RNF144B: variants seen among roughly 807,000 people sequenced by gnomAD.
The protein encoded by RNF144B is ring finger protein 144B, also known as E3 ubiquitin-protein ligase RNF144B.
In RNF144B, 25 loss-of-function variants were observed where a neutral mutation model predicts 40.2. That is an observed-to-expected ratio of 0.62 (90% confidence interval 0.45 to 0.87). The LOEUF is 0.87. RNF144B is among the 40% of genes least tolerant of loss of function. The pLI, the probability that RNF144B is intolerant of heterozygous loss-of-function variation, is 0.00. For synonymous variants in RNF144B, 145 were observed against 136.3 expected (o/e 1.06, Z -0.44); for missense variants, 365 against 373.7 (o/e 0.98, Z 0.19).
rs1294785105 is a variant in RNF144B, at chr6:18,419,675, A to G, written c.166-7906A>G. Reference sequence around the variant, plus strand: ...AAATGTGTACTGGATTCAGTGACCTAGAGCCACTTCAGTTGAGTGGCAGGG... The same window carrying G: ...AAATGTGTACTGGATTCAGTGACCTGGAGCCACTTCAGTTGAGTGGCAGGG... On this transcript the variant is annotated intron_variant, in intron 2 of 7. Coordinates refer to ENST00000259939, the MANE Select transcript of RNF144B (RefSeq NM_182757.4). This position sits in a 1 kb window ranked among gnomAD's most constrained non-coding sequence, Gnocchi z 4.6. Among the ~76,000 whole-genome samples the G allele has an allele frequency of 6.6e-6, 1 of 152,162 alleles. No individual in the cohort carries two copies. The highest frequency in any genetic ancestry group is 2.4e-5 in the African/African-American group (1 of 41,456).
At chr6:18,428,654 T>C (rs1758621965) in intron 3 of RNF144B, among the ~76,000 whole-genome samples, 1 of 152,160 alleles carries the variant, frequency 6.6e-6, no homozygotes, top group Non-Finnish European at 1.5e-5. Flanking sequence ...ATGAAATCAG[T>C]TGTTCATTTA....
rs1217038117 is a variant in RNF144B at position 18,468,118 on chromosome 6, TA to T, written c.*3052del. On this transcript the variant is annotated 3_prime_UTR_variant, in exon 8 of 8. Transcript: ENST00000259939. ...GGTCTACATAGGGATGTTTGGATGC[TA>T]TGGCAAGAATCTTTTTGTGTTTGGA... 1 of 151,514 alleles carries T rather than the reference TA, an allele frequency of 6.6e-6. No individual in the cohort carries two copies. The highest frequency in any genetic ancestry group is 1.5e-5 in the Non-Finnish European group (1 of 68,052). 9.4% of individuals were successfully genotyped at this position (151,514 alleles called of 1,614,324 possible). A position where few individuals can be genotyped will look rare whatever the true frequency, so the allele number is the denominator to read the frequency against.
rs1409916986 is a variant in RNF144B at position 18,416,190 on chromosome 6, T to C, written c.166-11391T>C. Among the ~76,000 whole-genome samples the C allele has an allele frequency of 1.3e-5, 2 of 152,158 alleles. No individual in the cohort carries two copies. Among genetic ancestry groups the C allele is most frequent in the African/African-American group, 4.8e-5 (2 of 41,424 alleles). ...TAAGATAGCACCTGGGCCAGAGGGA[T>C]CTCTTTGGGATTAGTATAAAAAGTG... On this transcript the variant is annotated intron_variant, in intron 2 of 7. Coordinates refer to ENST00000259939, the MANE Select transcript of RNF144B (RefSeq NM_182757.4). The surrounding 1 kb of genome is among the most constrained non-coding windows in gnomAD (Gnocchi z 5.5).
rs1226665274 is a variant in RNF144B at position 18,457,686 on chromosome 6, C to T, written c.536+327C>T. Among the ~76,000 whole-genome samples, 1 of 152,052 alleles carries T rather than the reference C, an allele frequency of 6.6e-6. No individual in the cohort carries two copies. The highest frequency in any genetic ancestry group is 6.5e-5 in the Admixed American group (1 of 15,270). Reference sequence around the variant, plus strand: ...GCTCTTTGCTCAGATACAGTATCTGCCTGTATTGGTATATATCATTCTTGT... The same window carrying T: ...GCTCTTTGCTCAGATACAGTATCTGTCTGTATTGGTATATATCATTCTTGT... On this transcript the variant is annotated intron_variant, in intron 5 of 7. Coordinates refer to ENST00000259939, the MANE Select transcript of RNF144B (RefSeq NM_182757.4). The surrounding 1 kb of genome is among the most constrained non-coding windows in gnomAD (Gnocchi z 5.1).
At chr6:18,463,823 G>A (rs1759520104) in intron 7 of RNF144B, among the ~76,000 whole-genome samples, 1 of 152,198 alleles carries the variant, frequency 6.6e-6, no homozygotes, top group African/African-American at 2.4e-5. Context: ...GGCTGGGGAG[G>A]CCTCACAATC....
intron 2 of RNF144B, among the ~76,000 whole-genome samples, chr6:18,411,089 G>A (rs13200096): frequency 0.64 from 97,312 of 151,122 alleles, 31,608 homozygotes; most frequent in Non-Finnish European, 0.69. Flanking sequence ...GGTTCAAGCA[G>A]TTCTCCTACC....
At chr6:18,439,663 C>A (rs765737234) in intron 3 of RNF144B, 21 bp from the exon 4 acceptor site, 2 of 1,596,756 alleles carry the variant, frequency 1.3e-6, no homozygotes, top group Admixed American at 1.7e-5. Context: ...AAGTCTCAAC[C>A]TTTTATGTCT....
At chr6:18,455,629 G>A (rs1759306486) in intron 4 of RNF144B, among the ~76,000 whole-genome samples, 1 of 152,084 alleles carries the variant, frequency 6.6e-6, no homozygotes, top group African/African-American at 2.4e-5. Context: ...AGAGAAAAAA[G>A]GGGTACTCTA....
rs560195037 is a variant in RNF144B at position 18,422,399 on chromosome 6, A to G, written c.166-5182A>G. Among the ~76,000 whole-genome samples the G allele has an allele frequency of 7.2e-5, 11 of 152,198 alleles. No homozygotes were observed. The highest frequency in any genetic ancestry group is 1.6e-4 in the Non-Finnish European group (11 of 68,026). ...CTGAGGCAGGGAAATGTTAGTCTAC[A>G]TTTTATGGAATATGTACTTCAGTGT... is the stretch of plus-strand genomic sequence containing the variant. On this transcript the variant is annotated intron_variant, in intron 2 of 7. Coordinates refer to ENST00000259939, the MANE Select transcript of RNF144B (RefSeq NM_182757.4). The surrounding 1 kb of genome is among the most constrained non-coding windows in gnomAD (Gnocchi z 4.7).
At chr6:18,394,044 T>TC (rs1213792255) in intron 1 of RNF144B, among the ~76,000 whole-genome samples, 24 of 152,352 alleles carry the variant, frequency 1.6e-4, no homozygotes, top group African/African-American at 4.8e-4. Context: ...TCCTGTGGCA[T>TC]CAGTAATATC....
intron 1 of RNF144B, chr6:18,396,923 T>A: frequency 4.9e-6 from 3 of 612,222 alleles, no homozygotes; most frequent in Non-Finnish European, 6.1e-6. Context: ...TGAATTTAAT[T>A]TGCTCTTGGA....
At chr6:18,392,035 T>TAAAAAA (rs10643409) in intron 1 of RNF144B, among the ~76,000 whole-genome samples, 1 of 71,064 alleles carries the variant, frequency 1.4e-5, no homozygotes, top group African/African-American at 5.3e-5. Flanking sequence ...CCATCTCTAC[T>TAAAAAA]AAAAAAAAAA....
At position 18,410,236 on chromosome 6, in the gene RNF144B, TAA is replaced by T. The variant is rs1477127125; in HGVS notation, c.165+10538_165+10539del. 2.6e-5 allele frequency among the ~76,000 whole-genome samples: 4 copies of T among 152,312 alleles called. No individual in the cohort carries two copies. The highest frequency in any genetic ancestry group is 2.0e-4 in the Admixed American group (3 of 15,298). On this transcript the variant is annotated intron_variant, in intron 2 of 7. Transcript: ENST00000259939. The surrounding 1 kb of genome is among the most constrained non-coding windows in gnomAD (Gnocchi z 4.6). Reference sequence around the variant, plus strand: ...GTTGCACCCTTATTCCAATATTCTCTAAGTCTATTCCCACCTTTGTCCAGACT... The same window carrying T: ...GTTGCACCCTTATTCCAATATTCTCTGTCTATTCCCACCTTTGTCCAGACT...
intron 1 of RNF144B, among the ~76,000 whole-genome samples, chr6:18,397,707 A>T (rs1406290089): frequency 6.6e-6 from 1 of 151,546 alleles, no homozygotes; most frequent in Non-Finnish European, 1.5e-5. Context: ...ATGGACTTCA[A>T]CTCTCTTTTC....
At chr6:18,411,708 G>A (rs1055950663) in intron 2 of RNF144B, among the ~76,000 whole-genome samples, 4 of 151,328 alleles carry the variant, frequency 2.6e-5, no homozygotes, top group African/African-American at 7.3e-5. Flanking sequence ...TGGCCAGGCT[G>A]GTCTCGAGCT....
intron 2 of RNF144B, among the ~76,000 whole-genome samples, chr6:18,401,429 G>A (rs1447455210): frequency 2.0e-5 from 3 of 152,176 alleles, no homozygotes; most frequent in Admixed American, 1.3e-4. Flanking sequence ...TCAAATGGCT[G>A]AATGTTTTTT....
At position 18,406,096 on chromosome 6, in the gene RNF144B, GTT is replaced by G; in HGVS notation, c.165+6399_165+6400del. ...TGCTGTGTCTTGCATAGTTCTGATG[GTT>G]TGAATATAGTGGTGAACGATCAGAT... On this transcript the variant is annotated intron_variant, in intron 2 of 7. Coordinates refer to ENST00000259939, the MANE Select transcript of RNF144B (RefSeq NM_182757.4). The surrounding 1 kb of genome is among the most constrained non-coding windows in gnomAD (Gnocchi z 4.2). 1.9e-6 allele frequency: 1 copy of G among 518,974 alleles called. No homozygotes were observed. Among genetic ancestry groups the G allele is most frequent in the South Asian group, 1.4e-5 (1 of 71,584 alleles). 32.1% of individuals were successfully genotyped at this position (518,974 alleles called of 1,614,324 possible). A position where few individuals can be genotyped will look rare whatever the true frequency, so the allele number is the denominator to read the frequency against.
chr6:18,428,196 T>C (rs1030633611), intron 3 of RNF144B, among the ~76,000 whole-genome samples: 2 of 152,148 alleles, frequency 1.3e-5, no homozygotes, highest in South Asian at 2.1e-4. Context: ...TGTGTTTGCT[T>C]TCTCTTCTAC....
rs116077585 is a variant in RNF144B, at chr6:18,424,047, G to A, written c.166-3534G>A. 5.4e-3 allele frequency among the ~76,000 whole-genome samples: 823 copies of A among 152,208 alleles called. 2 individuals are homozygous for A. Among genetic ancestry groups the A allele is most frequent in the Non-Finnish European group, 8.4e-3 (569 of 68,008 alleles). ...GTGATTATTTTATTTTGCCATTGTT[G>A]CATTGCTATAATTTGTTTTCATTTT... On this transcript the variant is annotated intron_variant, in intron 2 of 7. Coordinates refer to ENST00000259939, the MANE Select transcript of RNF144B (RefSeq NM_182757.4).
Sources: gnomAD v4.1 joint callset for allele counts (sites outside exome capture counted in the v4.1 genomes callset) on GRCh38, gnomAD v4.1.1 for gene constraint, Gnocchi (gnomAD v3.1) non-coding constraint, MANE v1.5 for transcripts, NCBI Gene and HGNC (gene_info 2026-07-23, HGNC 2026-07-21) for gene names.